PPP1R1A: variants seen among roughly 807,000 people sequenced by gnomAD.
The protein encoded by PPP1R1A is protein phosphatase 1 regulatory subunit 1A.
Under a neutral mutation model 23.9 loss-of-function variants are expected in PPP1R1A, and 18 were observed. The observed-to-expected ratio is 0.75, with a 90% CI of 0.52 to 1.12. The LOEUF (loss-of-function observed/expected upper bound fraction) is 1.12, where lower values mean the gene tolerates loss of function less well. Ranked by LOEUF, PPP1R1A falls within the 50% of genes most tolerant of loss-of-function variation. The pLI is 0.00. For missense variants in PPP1R1A, 207 were observed against 223.8 expected (o/e 0.92, Z 0.48); for synonymous variants, 84 against 80.7 (o/e 1.04, Z -0.22).
At chr12:54,587,264 C>T (rs542761636) in intron 1 of PPP1R1A, among the ~76,000 whole-genome samples, 23 of 152,200 alleles carry the variant, frequency 1.5e-4, no homozygotes, top group Non-Finnish European at 3.1e-4. Flanking sequence ...CTCTCTCCAC[C>T]TCATCCCAAG....
rs1957839908 is a variant in PPP1R1A, at chr12:54,580,066, C to T, written c.*321G>A. ...GAAGTTAGTCCTCCCACCTATCTGACCCTCATCTCTCTTCCCACAGCAAGT... is the reference window on the plus strand; with the variant it reads ...GAAGTTAGTCCTCCCACCTATCTGATCCTCATCTCTCTTCCCACAGCAAGT... On this transcript the variant is annotated 3_prime_UTR_variant, in exon 7 of 7. Coordinates refer to ENST00000257905, the MANE Select transcript of PPP1R1A (RefSeq NM_006741.4). 1 of 1,079,796 alleles carries T rather than the reference C, an allele frequency of 9.3e-7. No individual in the cohort carries two copies. Among genetic ancestry groups the T allele is most frequent in the Admixed American group, 4.7e-5 (1 of 21,438 alleles). 66.9% of individuals were successfully genotyped at this position (1,079,796 alleles called of 1,614,324 possible).
intron 1 of PPP1R1A, 149 bp downstream of exon 1, chr12:54,588,256 A>AGCCCC: frequency 5.5e-6 from 1 of 180,666 alleles, no homozygotes; most frequent in Non-Finnish European, 1.1e-5. Flanking sequence ...GGGACAGAAG[A>AGCCCC]CCCCCCCCCG....
At chr12:54,584,391 T>G in intron 1 of PPP1R1A, 71 bp from the exon 2 acceptor site, 1 of 1,371,796 alleles carries the variant, frequency 7.3e-7, no homozygotes, top group East Asian at 2.5e-5. Context: ...CCAAAACCAC[T>G]CAGTAACATA....
chr12:54,586,389 T>C (rs917066210), intron 1 of PPP1R1A, among the ~76,000 whole-genome samples: 2 of 152,210 alleles, frequency 1.3e-5, no homozygotes, highest in Non-Finnish European at 2.9e-5. Flanking sequence ...CCTTTTCTCA[T>C]ACCTATCCCA....
chr12:54,579,371 TG>T lies in PPP1R1A; in HGVS notation c.*1015del, dbSNP rs368484389. 89 of 985,030 alleles carry T rather than the reference TG, an allele frequency of 9.0e-5. No individual in the cohort carries two copies. The African/African-American group carries it at 1.5e-3, about 17-fold the overall frequency. The allele number at this position is 985,030 out of a possible 1,614,324, so 61.0% of individuals were successfully genotyped here. A position where few individuals can be genotyped will look rare whatever the true frequency, so the allele number is the denominator to read the frequency against. ...ATATATATATATTTAGGTATGTATC[TG>T]GGCAAGCTGAGGCCCAGGAGGAGGC... On this transcript the variant is annotated 3_prime_UTR_variant, in exon 7 of 7. Coordinates refer to ENST00000257905, the MANE Select transcript of PPP1R1A (RefSeq NM_006741.4).
Position 54,579,976 on chromosome 12 carries a change from GGT to G in PPP1R1A, c.*409_*410del. The G allele has an allele frequency of 1.0e-6, 1 of 1,003,490 alleles. No individual in the cohort carries two copies. The highest frequency in any genetic ancestry group is 1.2e-6 in the Non-Finnish European group (1 of 840,622). 62.2% of individuals were successfully genotyped at this position (1,003,490 alleles called of 1,614,324 possible). On this transcript the variant is annotated 3_prime_UTR_variant, in exon 7 of 7. Coordinates refer to ENST00000257905, the MANE Select transcript of PPP1R1A (RefSeq NM_006741.4). Reference sequence around the variant, plus strand: ...TTCCAGCTGCAGGGCAGGCCTGTGAGGTGGTCGGATCGTTCCTCAATAAGAAA... The same window carrying G: ...TTCCAGCTGCAGGGCAGGCCTGTGAGGGTCGGATCGTTCCTCAATAAGAAA...
intron 1 of PPP1R1A, 28 bp from the exon 2 acceptor site, chr12:54,584,348 G>A (rs1023553597): frequency 1.9e-6 from 3 of 1,564,938 alleles, no homozygotes; most frequent in Non-Finnish European, 2.6e-6. Flanking sequence ...ATGGGGAAGA[G>A]GTCAAGTACA....
Position 54,579,583 on chromosome 12 carries a change from A to C in PPP1R1A, c.*804T>G. The C allele has an allele frequency of 1.0e-6, 1 of 985,434 alleles. No homozygotes were observed. Among genetic ancestry groups the C allele is most frequent in the African/African-American group, 1.7e-5 (1 of 57,348 alleles). 61.0% of individuals were successfully genotyped at this position (985,434 alleles called of 1,614,324 possible). On this transcript the variant is annotated 3_prime_UTR_variant, in exon 7 of 7. Coordinates refer to ENST00000257905, the MANE Select transcript of PPP1R1A (RefSeq NM_006741.4). ...GAGAGAGGCCTGGCCGTGAGATCTG[A>C]GACAGTTTCTTCTCTTATGCTTGGT...
Position 54,581,959 on chromosome 12 carries a change from C to T in PPP1R1A, c.403+17G>A. The T allele has an allele frequency of 6.2e-7, 1 of 1,601,374 alleles. No homozygotes were observed. The highest frequency in any genetic ancestry group is 8.5e-7 in the Non-Finnish European group (1 of 1,172,982). Reference sequence around the variant, plus strand: ...TGGGAAATAGGATGCCTGGGGCCCTCCCCAGCCTGAACATACTTTTTGCTG... The same window carrying T: ...TGGGAAATAGGATGCCTGGGGCCCTTCCCAGCCTGAACATACTTTTTGCTG... On this transcript the variant is annotated intron_variant, in intron 5 of 6. Transcript: ENST00000257905. This position sits in a 1 kb window ranked among gnomAD's most constrained non-coding sequence, Gnocchi z 4.1.
chr12:54,580,897 A>G, intron 6 of PPP1R1A, 47 bp downstream of exon 6: 4 of 1,459,370 alleles, frequency 2.7e-6, no homozygotes, highest in Non-Finnish European at 3.9e-6. Flanking sequence ...TGTCCACAAT[A>G]TTAGCCTCCT....
At chr12:54,585,693 G>T (rs1957902812) in intron 1 of PPP1R1A, among the ~76,000 whole-genome samples, 1 of 152,024 alleles carries the variant, frequency 6.6e-6, no homozygotes, top group African/African-American at 2.4e-5. Flanking sequence ...GCCGTGGGGG[G>T]ATGACAGAGG....
At position 54,582,800 on chromosome 12, in the gene PPP1R1A, G is replaced by T. The variant is rs760205257; in HGVS notation, c.184-5C>A. On this transcript the variant is annotated splice_region_variant and splice_polypyrimidine_tract_variant and intron_variant, in intron 3 of 6. Coordinates refer to ENST00000257905, the MANE Select transcript of PPP1R1A (RefSeq NM_006741.4). Reference sequence around the variant, plus strand: ...TGGAGACATTGCCAAAGTGGACTGTGAAGGGCACAGAGCACAGATGGGCGC... The same window carrying T: ...TGGAGACATTGCCAAAGTGGACTGTTAAGGGCACAGAGCACAGATGGGCGC... The T allele has an allele frequency of 1.9e-6, 3 of 1,613,110 alleles. No homozygotes were observed. In the African/African-American group the frequency reaches 4.0e-5, roughly 22 times the overall value.
Position 54,583,067 on chromosome 12 carries a change from T to C in PPP1R1A, c.183+144A>G, listed in dbSNP as rs140203195. The C allele has an allele frequency of 1.2e-3, 1,000 of 811,904 alleles. 6 individuals carry two copies. The African/African-American group carries it at 0.016, about 13-fold the overall frequency. 50.3% of individuals were successfully genotyped at this position (811,904 alleles called of 1,614,324 possible). On this transcript the variant is annotated intron_variant, in intron 3 of 6. Transcript: ENST00000257905. Reference sequence around the variant, plus strand: ...GTGTGTGGGGTGCATGTGTATATGTTCACTCATGCACATTTGGGGGGTAGA... The same window carrying C: ...GTGTGTGGGGTGCATGTGTATATGTCCACTCATGCACATTTGGGGGGTAGA...
In PPP1R1A at chr12:54,582,120, T is replaced by A; in HGVS notation, c.259A>T (p.Met87Leu). ...TGTTGCCCCAGGTGATGTTCAACCA[T>A]CATCTGGAGCTCTGGGGACACAGAG... ...ITPTMKELQM[M>L]VEHHLGQQQQ... The change falls in exon 5 of 7, where the codon ATG becomes TTG. Residue 87 changes from methionine to leucine, a missense_variant. Met to Leu is a conservative substitution (Grantham distance 15). Coordinates refer to ENST00000257905, the MANE Select transcript of PPP1R1A (RefSeq NM_006741.4). 2 of 1,613,086 alleles carry A rather than the reference T, an allele frequency of 1.2e-6. No individual in the cohort carries two copies. Among genetic ancestry groups the A allele is most frequent in the Non-Finnish European group, 1.7e-6 (2 of 1,179,476 alleles).
chr12:54,581,996 C>T lies in PPP1R1A; in HGVS notation c.383G>A (p.Gly128Asp), dbSNP rs1360977736. 3 of 1,612,828 alleles carry T rather than the reference C, an allele frequency of 1.9e-6. No individual in the cohort carries two copies. The highest frequency in any genetic ancestry group is 1.3e-5 in the African/African-American group (1 of 74,858). The change falls in exon 5 of 7, where the codon GGC (glycine) becomes GAC (aspartate). Residue 128 changes from glycine (G) to aspartate (D), a missense_variant. By Grantham distance (94) the Gly-to-Asp change is moderately conservative. Transcript: ENST00000257905. This position sits in a 1 kb window ranked among gnomAD's most constrained non-coding sequence, Gnocchi z 4.1. ...CATACTTTTTGCTGTCCCAGAGGTG[C>T]CCAGCCTTGACTCCACTTCTGTGTC... The part of the protein sequence containing the change: ...IPDTEVESRL[G>D]TSGTAKKTAE...
chr12:54,585,220 T>C (rs1158813086), intron 1 of PPP1R1A, among the ~76,000 whole-genome samples: 1 of 152,136 alleles, frequency 6.6e-6, no homozygotes, highest in Non-Finnish European at 1.5e-5. Flanking sequence ...GAAATGGGGT[T>C]GGGGGAATCC....
intron 1 of PPP1R1A, among the ~76,000 whole-genome samples, chr12:54,587,355 T>C (rs544891888): frequency 6.6e-6 from 1 of 152,232 alleles, no homozygotes; most frequent in South Asian, 2.1e-4. Context: ...ACTGACCTTG[T>C]GGGAAATTGA....
chr12:54,582,832 C>T, intron 3 of PPP1R1A, 37 bp from the exon 4 acceptor site: 7 of 1,595,492 alleles, frequency 4.4e-6, no homozygotes, highest in Non-Finnish European at 6.0e-6. Context: ...GCGCCAGCCC[C>T]CCCTTGCTCT....
At chr12:54,580,586 C>A (rs1312837778) in intron 6 of PPP1R1A, among the ~76,000 whole-genome samples, 194 bp from the exon 7 acceptor site, 1 of 152,182 alleles carries the variant, frequency 6.6e-6, no homozygotes, top group African/African-American at 2.4e-5. Context: ...AGGAAGTTAT[C>A]TCATCAATGC....
Sources: gnomAD v4.1 joint callset for allele counts (sites outside exome capture counted in the v4.1 genomes callset) on GRCh38, gnomAD v4.1.1 for gene constraint, Gnocchi (gnomAD v3.1) non-coding constraint, MANE v1.5 for transcripts, NCBI Gene and HGNC (gene_info 2026-07-23, HGNC 2026-07-21) for gene names.